The following NEDD4L variants were observed in gnomAD, a reference collection of about 807,000 sequenced individuals.
NEDD4L encodes the protein NEDD4 like E3 ubiquitin protein ligase.
In NEDD4L, 54 loss-of-function variants were observed where a neutral mutation model predicts 148.9. The ratio of observed to expected loss-of-function variants is 0.36; its 90% CI spans 0.29 to 0.45. The LOEUF (loss-of-function observed/expected upper bound fraction) is 0.45. Among genes scored for constraint, NEDD4L ranks in the 20% least tolerant of loss-of-function variants. The pLI is 1.00. For missense variants in NEDD4L, 856 were observed against 1,233.8 expected (o/e 0.69, Z 4.59); for synonymous variants, 433 against 440.7 (o/e 0.98, Z 0.22).
chr18:58,259,602 T>C (rs1600357945), intron 5 of NEDD4L, among the ~76,000 whole-genome samples: 1 of 152,192 alleles, frequency 6.6e-6, no homozygotes, highest in African/African-American at 2.4e-5. Flanking sequence ...CTAATCTCAT[T>C]GGTGTTATGA....
intron 5 of NEDD4L, among the ~76,000 whole-genome samples, chr18:58,275,744 G>A (rs543718113): frequency 1.3e-5 from 2 of 152,270 alleles, no homozygotes; most frequent in South Asian, 4.1e-4. Context: ...TTACCCAACG[G>A]AGATTTGTGG....
rs570324799 is a variant in NEDD4L, at chr18:58,068,339, A to G, written c.48+23631A>G. Reference sequence around the variant, plus strand: ...CTCAGCCTCCTGAGCAGCTGAGACTACAGGCGCCTGCCACCACGCCTGACT... The same window carrying G: ...CTCAGCCTCCTGAGCAGCTGAGACTGCAGGCGCCTGCCACCACGCCTGACT... On this transcript the variant is annotated intron_variant, in intron 1 of 30. Transcript: ENST00000400345. Among the ~76,000 whole-genome samples the G allele has an allele frequency of 2.5e-4, 38 of 152,142 alleles. No individual in the cohort carries two copies. In the South Asian group the frequency reaches 7.5e-3, roughly 30 times the overall value.
At chr18:58,390,494 T>C in intron 28 of NEDD4L, 152 bp from the exon 29 acceptor site, 2 of 581,888 alleles carry the variant, frequency 3.4e-6, no homozygotes, top group Non-Finnish European at 6.3e-6. Flanking sequence ...CAGCTAGTAT[T>C]GTGGCCATAA....
intron 3 of NEDD4L, among the ~76,000 whole-genome samples, chr18:58,245,995 G>C (rs2047223016): frequency 6.6e-6 from 1 of 151,768 alleles, no homozygotes; most frequent in South Asian, 2.1e-4. Flanking sequence ...ACCGTGCCCA[G>C]CCCACTTTTT....
chr18:58,044,729 G>T (rs769068061), intron 1 of NEDD4L, 21 bp downstream of exon 1: 2 of 1,602,416 alleles, frequency 1.2e-6, no homozygotes, highest in Admixed American at 3.4e-5. Flanking sequence ...CCCCCTTCCT[G>T]CTCGGGACTC....
At chr18:58,146,191 T>G (rs1163527581) in intron 1 of NEDD4L, among the ~76,000 whole-genome samples, 1 of 152,144 alleles carries the variant, frequency 6.6e-6, no homozygotes, top group African/African-American at 2.4e-5. Context: ...TATTAGCCAT[T>G]TGATGTGCTG....
chr18:58,384,594 G>T (rs910190415), intron 25 of NEDD4L, among the ~76,000 whole-genome samples: 1 of 152,194 alleles, frequency 6.6e-6, no homozygotes, highest in Non-Finnish European at 1.5e-5. Context: ...TTCTTTTAGG[G>T]TTCAAACGTG....
At chr18:58,144,659 A>AAAAC (rs368408259) in intron 1 of NEDD4L, among the ~76,000 whole-genome samples, 1 of 152,172 alleles carries the variant, frequency 6.6e-6, no homozygotes, top group African/African-American at 2.4e-5. Context: ...CTGGAAAAAA[A>AAAAC]AAACAAACAA....
intron 2 of NEDD4L, among the ~76,000 whole-genome samples, chr18:58,184,011 T>C (rs1404863542): frequency 1.3e-5 from 2 of 151,896 alleles, no homozygotes; most frequent in East Asian, 1.9e-4. Flanking sequence ...CTACTAAAAA[T>C]AGAGAAAATT....
At chr18:58,160,709 A>T (rs777179685) in intron 1 of NEDD4L, among the ~76,000 whole-genome samples, 6 of 152,232 alleles carry the variant, frequency 3.9e-5, no homozygotes, top group Non-Finnish European at 8.8e-5. Flanking sequence ...ACACCTTGTC[A>T]TGTGCTTCCT....
chr18:58,325,062 C>T lies in NEDD4L; in HGVS notation c.580C>T (p.Pro194Ser), dbSNP rs375316659. 68 of 1,613,944 alleles carry T rather than the reference C, an allele frequency of 4.2e-5. No homozygotes were observed. The African/African-American group carries it at 8.8e-4, about 21-fold the overall frequency. ...SQHQEELPPP[P>S]LPPGWEEKVD... ...GCACCAAGAGGAACTTCCTCCTCCT[C>T]CTCTGCCTCCCGGGTGGGAAGAAAA... is the stretch of plus-strand genomic sequence containing the variant. The change falls in exon 9 of 31, where the codon CCT becomes TCT. Residue 194 changes from proline (P) to serine (S), a missense_variant. Around this residue, in one of 4 missense-constraint regions of NEDD4L, gnomAD observed 193 missense variants for 244.2 expected, o/e 0.79. Transcript: ENST00000400345.
At chr18:58,386,331 A>C (rs1420350510) in intron 26 of NEDD4L, among the ~76,000 whole-genome samples, 2 of 152,100 alleles carry the variant, frequency 1.3e-5, no homozygotes. Flanking sequence ...GATTACAGGC[A>C]TGAGCCGCCG....
chr18:58,304,581 G>A (rs1335007058), intron 5 of NEDD4L, among the ~76,000 whole-genome samples: 2 of 152,188 alleles, frequency 1.3e-5, no homozygotes, highest in African/African-American at 4.8e-5. Flanking sequence ...GACTGTGCAA[G>A]ATAAAGTGGT....
chr18:58,118,352 T>C (rs1400899443), intron 1 of NEDD4L, among the ~76,000 whole-genome samples: 1 of 152,252 alleles, frequency 6.6e-6, no homozygotes, highest in Admixed American at 6.5e-5. Context: ...TCTGAACATT[T>C]TTGAGTAGAT....
chr18:58,210,610 G>A (rs576451), intron 2 of NEDD4L, among the ~76,000 whole-genome samples: 66,645 of 151,938 alleles, frequency 0.44, 15,920 homozygotes, highest in African/African-American at 0.64. Flanking sequence ...CATCATGCCC[G>A]GCTAATTTTG....
At chr18:58,058,653 C>T (rs1407018178) in intron 1 of NEDD4L, among the ~76,000 whole-genome samples, 2 of 152,176 alleles carry the variant, frequency 1.3e-5, no homozygotes, top group African/African-American at 2.4e-5. Context: ...CAGGCCTGGA[C>T]AGGGGTCAGG....
intron 1 of NEDD4L, among the ~76,000 whole-genome samples, chr18:58,073,406 T>G (rs960638597): frequency 6.6e-6 from 1 of 152,122 alleles, no homozygotes; most frequent in Non-Finnish European, 1.5e-5. Flanking sequence ...GCCATAGAGA[T>G]CCATGGAATT....
chr18:58,057,691 T>C (rs1568152708), intron 1 of NEDD4L, among the ~76,000 whole-genome samples: 1 of 152,206 alleles, frequency 6.6e-6, no homozygotes, highest in Non-Finnish European at 1.5e-5. Flanking sequence ...GAGTTTTGTG[T>C]CTAGTCAATT....
At chr18:58,210,535 G>A (rs957561539) in intron 2 of NEDD4L, among the ~76,000 whole-genome samples, 1 of 151,936 alleles carries the variant, frequency 6.6e-6, no homozygotes, top group Non-Finnish European at 1.5e-5. Context: ...TGCAACCTCC[G>A]CCTCCCAGGT....
Sources: allele counts gnomAD v4.1 joint callset (sites outside exome capture counted in the v4.1 genomes callset), GRCh38; gene constraint gnomAD v4.1.1; regional missense constraint gnomAD v4.1.1; transcripts MANE v1.5; gene names NCBI Gene and HGNC (gene_info 2026-07-23, HGNC 2026-07-21).